Variants in LPIN3 observed in about 807,000 individuals in gnomAD.
LPIN3 encodes the protein phosphatidate phosphatase LPIN3.
LPIN3 carries 82 observed loss-of-function variants against 94.7 expected under a neutral mutation model. That is an observed-to-expected ratio of 0.87 (90% CI 0.72 to 1.04). The LOEUF is 1.04. Ranked by LOEUF, LPIN3 falls within the 50% of genes least tolerant of loss-of-function variation. The probability of loss-of-function intolerance (pLI) is 0.00; values close to 1 mark genes in which losing one functional copy is unlikely to be tolerated. For synonymous variants in LPIN3, 418 were observed against 443.3 expected, an observed-to-expected ratio of 0.94 and a Z score of 0.72; for missense variants, 996 against 1,090.5, an observed-to-expected ratio of 0.91 and a Z score of 1.22.
Position 41,356,010 on chromosome 20 carries a change from C to T in LPIN3, c.1779C>T (p.Ser593=), listed in dbSNP as rs1207532732. 1.9e-6 allele frequency: 3 copies of T among 1,614,090 alleles called. No individual in the cohort carries two copies. Among genetic ancestry groups the T allele is most frequent in the Admixed American group, 3.3e-5 (2 of 60,008 alleles). Residue 593 remains serine, a synonymous_variant, in exon 14 of 20, where the codon TCC becomes TCT. Transcript: ENST00000373257. ...TPPSTPTYKK[S]LRLSSDQIRR... is the part of the protein sequence containing the mutation. ...CCTCCACTCCTACCTACAAGAAGTCCCTCCGCCTCTCCTCCGATCAGATCG... is the reference window on the plus strand; with the variant it reads ...CCTCCACTCCTACCTACAAGAAGTCTCTCCGCCTCTCCTCCGATCAGATCG...
rs747269525 is a variant in LPIN3, at chr20:41,358,052, T to A, written c.2192+18T>A. The A allele has an allele frequency of 5.1e-6, 8 of 1,580,078 alleles. No homozygotes were observed. Among genetic ancestry groups the A allele is most frequent in the Non-Finnish European group, 6.9e-6 (8 of 1,163,722 alleles). ...CTCCACAGGTAACCACCCCTACACA[T>A]ACAAGCCCGTGGCCCCCTGGTGGGG... On this transcript the variant is annotated intron_variant, in intron 17 of 19. Coordinates refer to ENST00000373257, the MANE Select transcript of LPIN3 (RefSeq NM_022896.3).
Position 41,352,881 on chromosome 20 carries a change from C to A in LPIN3, c.1527+14C>A. Reference sequence around the variant, plus strand: ...AACTTGCCCAAGGTAATGGTTAGAGCACCACTGCCCCTGCTGGGGAAGGTA... The same window carrying A: ...AACTTGCCCAAGGTAATGGTTAGAGAACCACTGCCCCTGCTGGGGAAGGTA... On this transcript the variant is annotated intron_variant, in intron 11 of 19. Coordinates refer to ENST00000373257, the MANE Select transcript of LPIN3 (RefSeq NM_022896.3). The A allele has an allele frequency of 3.1e-6, 5 of 1,613,676 alleles. No individual in the cohort carries two copies. The highest frequency in any genetic ancestry group is 3.4e-6 in the Non-Finnish European group (4 of 1,179,580).
rs1243849862 is a variant in LPIN3 at position 41,349,881 on chromosome 20, G to T, written c.746G>T (p.Gly249Val). Residue 249 changes from glycine to valine, a missense_variant, in exon 6 of 20, where the codon GGG becomes GTG. Gly to Val is a moderately radical substitution (Grantham distance 109). Coordinates refer to ENST00000373257, the MANE Select transcript of LPIN3 (RefSeq NM_022896.3). ...RAESHMQWAW[G>V]RLPKVARAER... is the part of the protein sequence containing the mutation. The stretch of plus-strand genomic sequence containing the variant: ...GAGTCCCACATGCAGTGGGCCTGGG[G>T]GAGGCTGCCTAAGGTGAGTCCCTCT... 2 of 1,612,956 alleles carry T rather than the reference G, an allele frequency of 1.2e-6. No homozygotes were observed. The highest frequency in any genetic ancestry group is 2.7e-5 in the African/African-American group (2 of 74,914).
chr20:41,349,723 G>C, intron 5 of LPIN3, 51 bp from the exon 6 acceptor site: 16 of 1,570,520 alleles, frequency 1.0e-5, no homozygotes, highest in Non-Finnish European at 1.4e-5. Flanking sequence ...GGGGTGGGCA[G>C]CAGCGGGGAT....
At chr20:41,347,327 G>C (rs1044640940) in intron 2 of LPIN3, among the ~76,000 whole-genome samples, 2 of 152,206 alleles carry the variant, frequency 1.3e-5, no homozygotes, top group African/African-American at 4.8e-5. Context: ...TGTGAGTGAG[G>C]GAGAGATGGG....
intron 7 of LPIN3, among the ~76,000 whole-genome samples, chr20:41,351,260 AAATT>A (rs1465471773): frequency 6.6e-6 from 1 of 150,702 alleles, no homozygotes; most frequent in African/African-American, 2.4e-5. Context: ...TAAAAATTAA[AAATT>A]AAATTAAATT....
In LPIN3 at chr20:41,358,181, C is replaced by T. The variant is rs2046282573; in HGVS notation, c.2193-56C>T. ...CCCCATCACCTGAGCCTGCCATCCC[C>T]TCTGGCTTCTTCCCTACTTTGGCCC... On this transcript the variant is annotated intron_variant, in intron 17 of 19. Coordinates refer to ENST00000373257, the MANE Select transcript of LPIN3 (RefSeq NM_022896.3). 1.9e-6 allele frequency: 3 copies of T among 1,594,944 alleles called. No homozygotes were observed. The Admixed American group carries it at 5.0e-5, about 27-fold the overall frequency.
Position 41,350,059 on chromosome 20 carries a change from C to A in LPIN3, c.764C>A (p.Ala255Asp). 1 of 1,594,238 alleles carries A rather than the reference C, an allele frequency of 6.3e-7. No homozygotes were observed. The highest frequency in any genetic ancestry group is 1.7e-5 in the Admixed American group (1 of 58,028). ...QWAWGRLPKV[A>D]RAERPESSVV... ...CCTCCATTTGTTCCACTAAAGGTGG[C>A]CAGAGCTGAGCGGCCCGAGTCCTCA... The change falls in exon 7 of 20, where the codon GCC becomes GAC. Residue 255 changes from alanine to aspartate, a missense_variant. By Grantham distance (126) the Ala-to-Asp change is moderately radical. Transcript: ENST00000373257.
Position 41,359,607 on chromosome 20 carries a change from C to T in LPIN3, c.*741C>T, listed in dbSNP as rs1473482774. 1.3e-5 allele frequency: 2 copies of T among 152,224 alleles called. No homozygotes were observed. Among genetic ancestry groups the T allele is most frequent in the Admixed American group, 6.5e-5 (1 of 15,270 alleles). The allele number at this position is 152,224 out of a possible 1,614,324, so 9.4% of individuals were successfully genotyped here. On this transcript the variant is annotated 3_prime_UTR_variant, in exon 20 of 20. Coordinates refer to ENST00000373257, the MANE Select transcript of LPIN3 (RefSeq NM_022896.3). ...AGCCTCTGGAAGGACACAGTGTTCT[C>T]CCCGCCCCTTGTCTGGGAGCCAGGA...
intron 2 of LPIN3, among the ~76,000 whole-genome samples, chr20:41,346,736 C>T (rs774394051): frequency 4.8e-4 from 73 of 152,108 alleles, no homozygotes; most frequent in African/African-American, 7.2e-4. Flanking sequence ...AGCGAAACTC[C>T]GTCTCAAAAA....
chr20:41,349,191 T>C lies in LPIN3; in HGVS notation c.638+19T>C. 1 of 1,609,920 alleles carries C rather than the reference T, an allele frequency of 6.2e-7. No homozygotes were observed. Among genetic ancestry groups the C allele is most frequent in the Non-Finnish European group, 8.5e-7 (1 of 1,176,658 alleles). ...AGGCCAGGTAAGAGTCCAGGTGGGCTGCAGGCCAGGACTCCAGATCAAGGT... is the reference window on the plus strand; with the variant it reads ...AGGCCAGGTAAGAGTCCAGGTGGGCCGCAGGCCAGGACTCCAGATCAAGGT... On this transcript the variant is annotated intron_variant, in intron 5 of 19. Transcript: ENST00000373257.
chr20:41,357,202 A>C lies in LPIN3; in HGVS notation c.1952+14A>C. On this transcript the variant is annotated intron_variant, in intron 15 of 19. Coordinates refer to ENST00000373257, the MANE Select transcript of LPIN3 (RefSeq NM_022896.3). ...CACCATCACCAAGTGAGGCCCACCC[A>C]GCTGTGGGAAGGGGAGGGAGAGGGG... 6.2e-7 allele frequency: 1 copy of C among 1,613,594 alleles called. No individual in the cohort carries two copies. Among genetic ancestry groups the C allele is most frequent in the African/African-American group, 1.3e-5 (1 of 75,028 alleles).
chr20:41,348,551 A>G (rs1468432136), intron 3 of LPIN3, 68 bp from the exon 4 acceptor site: 90 of 1,532,244 alleles, frequency 5.9e-5, no homozygotes, highest in Non-Finnish European at 7.2e-5. Flanking sequence ...AAGGCTCAAG[A>G]TGACTGTGTG....
chr20:41,357,806 C>A, intron 16 of LPIN3, 76 bp from the exon 17 acceptor site: 1 of 1,579,158 alleles, frequency 6.3e-7, no homozygotes. Context: ...TTGGGCTGGG[C>A]AGGCTAAAGC....
intron 4 of LPIN3, 47 bp from the exon 5 acceptor site, chr20:41,349,045 G>C (rs755189308): frequency 1.2e-5 from 19 of 1,609,542 alleles, no homozygotes; most frequent in Non-Finnish European, 1.6e-5. Flanking sequence ...TGCCTGCCTG[G>C]GGCATCCTGC....
intron 3 of LPIN3, 85 bp downstream of exon 3, chr20:41,347,732 C>T (rs2045838176): frequency 8.2e-7 from 1 of 1,218,920 alleles, no homozygotes. Context: ...TTGTCACCAT[C>T]CTCGCCCTTC....
intron 1 of LPIN3, among the ~76,000 whole-genome samples, chr20:41,345,436 T>C (rs1319632592): frequency 6.6e-6 from 1 of 152,204 alleles, no homozygotes; most frequent in Non-Finnish European, 1.5e-5. Flanking sequence ...ACAGGGTTGT[T>C]GTGAAGATGA....
At chr20:41,352,948 A>G in intron 11 of LPIN3, 81 bp downstream of exon 11, 1 of 1,503,404 alleles carries the variant, frequency 6.7e-7, no homozygotes, top group Middle Eastern at 1.8e-4. Flanking sequence ...AAGGAAGTGA[A>G]GGGTGAGCAG....
intron 4 of LPIN3, 58 bp from the exon 5 acceptor site, chr20:41,349,034 A>G: frequency 1.2e-6 from 2 of 1,603,858 alleles, no homozygotes; most frequent in African/African-American, 2.7e-5. Flanking sequence ...CCAGGCTCTC[A>G]TGCCTGCCTG....
Sources: gnomAD v4.1 joint callset for allele counts (sites outside exome capture counted in the v4.1 genomes callset) on GRCh38, gnomAD v4.1.1 for gene constraint, MANE v1.5 for transcripts, NCBI Gene and HGNC (gene_info 2026-07-23, HGNC 2026-07-21) for gene names.